Variants in NEGR1 observed in about 807,000 individuals in gnomAD.
NEGR1 encodes IgLON family member 4.
Under a neutral mutation model 40.9 loss-of-function variants are expected in NEGR1, and 10 were observed. The ratio of observed to expected loss-of-function variants is 0.24; its 90% CI spans 0.15 to 0.42. NEGR1 has a LOEUF of 0.42. NEGR1 is among the 10% of genes least tolerant of loss of function. The probability of loss-of-function intolerance (pLI) is 1.00; values close to 1 mark genes in which losing one functional copy is unlikely to be tolerated. For synonymous variants in NEGR1, 185 were observed against 166.8 expected, an observed-to-expected ratio of 1.11 and a Z score of -0.84; for missense variants, 352 against 438.9, an observed-to-expected ratio of 0.80 and a Z score of 1.77.
At chr1:71,747,368 A>G (rs1376539335) in intron 3 of NEGR1, among the ~76,000 whole-genome samples, 1 of 152,118 alleles carries the variant, frequency 6.6e-6, no homozygotes, top group African/African-American at 2.4e-5. Context: ...AAATAAATGT[A>G]GAAATCACTT....
At chr1:71,537,056 T>A (rs1647535697) in intron 6 of NEGR1, among the ~76,000 whole-genome samples, 1 of 151,722 alleles carries the variant, frequency 6.6e-6, no homozygotes, top group African/African-American at 2.4e-5. Flanking sequence ...TTGTAACAAG[T>A]CATTATTATA....
At chr1:71,654,315 C>T (rs1414141320) in intron 4 of NEGR1, among the ~76,000 whole-genome samples, 1 of 152,016 alleles carries the variant, frequency 6.6e-6, no homozygotes, top group Non-Finnish European at 1.5e-5. Flanking sequence ...ATATACAATA[C>T]CAAGAGTGAA....
intron 1 of NEGR1, among the ~76,000 whole-genome samples, chr1:72,230,990 C>T: frequency 6.6e-6 from 1 of 152,112 alleles, no homozygotes; most frequent in Admixed American, 6.6e-5. Flanking sequence ...TTCTAAAGGT[C>T]ATGGAAGGAC....
At chr1:72,008,027 C>T (rs1379376370) in intron 1 of NEGR1, among the ~76,000 whole-genome samples, 1 of 152,052 alleles carries the variant, frequency 6.6e-6, no homozygotes, top group Non-Finnish European at 1.5e-5. Flanking sequence ...CTAAATATTA[C>T]ATTTTTTGTT....
chr1:72,073,652 T>C (rs1241924385), intron 1 of NEGR1, among the ~76,000 whole-genome samples: 1 of 152,128 alleles, frequency 6.6e-6, no homozygotes, highest in Non-Finnish European at 1.5e-5. Context: ...ACTATGTCAA[T>C]AATAATACAG....
At chr1:71,895,369 A>G (rs1660941040) in intron 2 of NEGR1, among the ~76,000 whole-genome samples, 1 of 152,106 alleles carries the variant, frequency 6.6e-6, no homozygotes, top group Non-Finnish European at 1.5e-5. Context: ...CACAATTCAA[A>G]AGTTTTTAGC....
intron 6 of NEGR1, among the ~76,000 whole-genome samples, chr1:71,415,545 T>C (rs1646349641): frequency 6.6e-6 from 1 of 152,158 alleles, no homozygotes; most frequent in African/African-American, 2.4e-5. Flanking sequence ...TATCTTCATA[T>C]AGCCAGATGA....
At chr1:71,498,623 G>A (rs1557546699) in intron 6 of NEGR1, among the ~76,000 whole-genome samples, 1 of 152,156 alleles carries the variant, frequency 6.6e-6, no homozygotes, top group East Asian at 1.9e-4. Flanking sequence ...TAAAATTATG[G>A]GAATGTAACT....
At chr1:72,210,017 G>A (rs190699197) in intron 1 of NEGR1, among the ~76,000 whole-genome samples, 32 of 151,810 alleles carry the variant, frequency 2.1e-4, no homozygotes, top group East Asian at 1.2e-3. Flanking sequence ...AATAAAATGC[G>A]GATGATAAAG....
At chr1:71,755,002 C>G (rs1021206823) in intron 3 of NEGR1, among the ~76,000 whole-genome samples, 5 of 152,158 alleles carry the variant, frequency 3.3e-5, no homozygotes, top group Non-Finnish European at 7.3e-5. Flanking sequence ...ATTGTCCTGA[C>G]CTCTTCCTTG....
chr1:72,138,149 T>TG (rs1418578027), intron 1 of NEGR1, among the ~76,000 whole-genome samples: 1 of 152,148 alleles, frequency 6.6e-6, no homozygotes, highest in Non-Finnish European at 1.5e-5. Flanking sequence ...GGTAACATGA[T>TG]GGAGTATATG....
intron 1 of NEGR1, among the ~76,000 whole-genome samples, chr1:72,047,150 G>A (rs199780586): frequency 1.4e-5 from 2 of 145,096 alleles, no homozygotes; most frequent in Admixed American, 6.9e-5. Flanking sequence ...TTTTTTTTTT[G>A]TGCCAGCAAT....
Position 72,106,852 on chromosome 1 carries a change from C to T in NEGR1, c.177-171541G>A, listed in dbSNP as rs553341259. ...TGTTCCCTCTATATCAAAGACAAAA[C>T]GTCATTTAAATATAGATATAGATAC... On this transcript the variant is annotated intron_variant, in intron 1 of 6. Coordinates refer to ENST00000357731, the MANE Select transcript of NEGR1 (RefSeq NM_173808.3). Among the ~76,000 whole-genome samples the T allele has an allele frequency of 1.4e-4, 22 of 151,866 alleles. 1 individual carries two copies. The highest frequency in any genetic ancestry group is 7.9e-4 in the Admixed American group (12 of 15,236).
chr1:72,068,885 CAT>C (rs1238252225), intron 1 of NEGR1, among the ~76,000 whole-genome samples: 7 of 151,940 alleles, frequency 4.6e-5, no homozygotes, highest in Admixed American at 2.0e-4. Context: ...TAACAAAACA[CAT>C]GTTTATCATG....
At chr1:71,605,657 T>C (rs976296082) in intron 5 of NEGR1, among the ~76,000 whole-genome samples, 1 of 152,224 alleles carries the variant, frequency 6.6e-6, no homozygotes, top group African/African-American at 2.4e-5. Context: ...CATATGCATA[T>C]AAAGAGTATA....
intron 6 of NEGR1, among the ~76,000 whole-genome samples, chr1:71,451,377 G>A (rs1348127606): frequency 1.4e-5 from 2 of 142,878 alleles, no homozygotes; most frequent in East Asian, 2.0e-4. Context: ...CTTGTTGCCC[G>A]GACTGGAGTG....
intron 1 of NEGR1, among the ~76,000 whole-genome samples, chr1:72,129,555 A>C (rs1301487984): frequency 6.6e-6 from 1 of 152,202 alleles, no homozygotes; most frequent in African/African-American, 2.4e-5. Flanking sequence ...AACAAGCTAC[A>C]AACAGTAATA....
At chr1:71,642,540 G>T (rs1213509) in intron 4 of NEGR1, among the ~76,000 whole-genome samples, 70,014 of 151,478 alleles carry the variant, frequency 0.46, 16,321 homozygotes, top group East Asian at 0.66. Context: ...CCATAATCTT[G>T]CTGTAACACC....
At chr1:71,753,273 T>G (rs529161783) in intron 3 of NEGR1, among the ~76,000 whole-genome samples, 1 of 152,200 alleles carries the variant, frequency 6.6e-6, no homozygotes, top group African/African-American at 2.4e-5. Context: ...CAAATCATTA[T>G]GTAAAATTAC....
Sources: gnomAD v4.1 joint callset for allele counts (sites outside exome capture counted in the v4.1 genomes callset) on GRCh38, gnomAD v4.1.1 for gene constraint, MANE v1.5 for transcripts, NCBI Gene and HGNC (gene_info 2026-07-23, HGNC 2026-07-21) for gene names.